Variants in UNC5A observed in about 807,000 individuals in gnomAD.
UNC5A encodes netrin receptor UNC5A.
UNC5A carries 20 observed loss-of-function variants against 87.4 expected under a neutral mutation model. The ratio of observed to expected loss-of-function variants is 0.23; its 90% CI spans 0.16 to 0.33. UNC5A has a LOEUF of 0.33. UNC5A is among the 10% of genes least tolerant of loss of function. The probability of loss-of-function intolerance (pLI) is 1.00; values close to 1 mark genes in which losing one functional copy is unlikely to be tolerated. For missense variants in UNC5A, 844 were observed against 1,133.4 expected, an observed-to-expected ratio of 0.74 and a Z score of 3.67; for synonymous variants, 438 against 482.3, an observed-to-expected ratio of 0.91 and a Z score of 1.20.
chr5:176,853,454 A>G (rs1214913565), intron 1 of UNC5A, among the ~76,000 whole-genome samples: 1 of 151,980 alleles, frequency 6.6e-6, no homozygotes. Flanking sequence ...GCCTGTCTGC[A>G]TGTCCTCCTC....
intron 1 of UNC5A, among the ~76,000 whole-genome samples, chr5:176,812,505 G>A (rs1035563710): frequency 2.0e-5 from 3 of 152,308 alleles, no homozygotes; most frequent in East Asian, 3.9e-4. Flanking sequence ...CCAGCATGCC[G>A]CACGTGTGTG....
intron 9 of UNC5A, 70 bp downstream of exon 9, chr5:176,877,349 C>T: frequency 6.9e-7 from 1 of 1,450,918 alleles, no homozygotes; most frequent in South Asian, 1.2e-5. Context: ...CAGGAAGCCC[C>T]CTGCCCACCC....
intron 1 of UNC5A, among the ~76,000 whole-genome samples, chr5:176,823,774 T>TCGG (rs1756786492): frequency 6.6e-6 from 1 of 151,962 alleles, no homozygotes; most frequent in Admixed American, 6.6e-5. Flanking sequence ...GGATACTGAC[T>TCGG]TGGACTCCTC....
intron 8 of UNC5A, 85 bp from the exon 9 acceptor site, chr5:176,877,107 C>T (rs1758279973): frequency 1.7e-6 from 2 of 1,163,588 alleles, no homozygotes; most frequent in Middle Eastern, 2.0e-4. Context: ...TCAGTCCTCA[C>T]AGGAAGGCTC....
In UNC5A at chr5:176,875,758, G is replaced by C. The variant is rs546683739; in HGVS notation, c.1378+1192G>C. Among the ~76,000 whole-genome samples, 2 of 151,992 alleles carry C rather than the reference G, an allele frequency of 1.3e-5. No homozygotes were observed. The highest frequency in any genetic ancestry group is 1.3e-4 in the Admixed American group (2 of 15,250). Reference sequence around the variant, plus strand: ...CCCTCACACACATCGTCCCGCACACGGCAGCCACCATGGACTCAACATCCC... The same window carrying C: ...CCCTCACACACATCGTCCCGCACACCGCAGCCACCATGGACTCAACATCCC... On this transcript the variant is annotated intron_variant, in intron 8 of 14. Coordinates refer to ENST00000329542, the MANE Select transcript of UNC5A (RefSeq NM_133369.3). The surrounding 1 kb of genome is among the most constrained non-coding windows in gnomAD (Gnocchi z 5.2).
At chr5:176,812,171 G>A (rs1756474430) in intron 1 of UNC5A, among the ~76,000 whole-genome samples, 1 of 152,134 alleles carries the variant, frequency 6.6e-6, no homozygotes, top group Non-Finnish European at 1.5e-5. Flanking sequence ...TGTTGGGTGT[G>A]TGTCCGTGTC....
Position 176,865,471 on chromosome 5 carries a change from G to A in UNC5A, c.292+2626G>A, listed in dbSNP as rs1757952060. 1 of 395,664 alleles carries A rather than the reference G, an allele frequency of 2.5e-6. No homozygotes were observed. Among genetic ancestry groups the A allele is most frequent in the Non-Finnish European group, 5.1e-6 (1 of 195,234 alleles). The allele number at this position is 395,664 out of a possible 1,614,324, so 24.5% of individuals were successfully genotyped here. A position where few individuals can be genotyped will look rare whatever the true frequency, so the allele number is the denominator to read the frequency against. ...GGCCCTGTTCTCTTCCTGCCGGGCA[G>A]AGAAGCAGAGCTTGGGACACGTCCC... On this transcript the variant is annotated intron_variant, in intron 2 of 14. Transcript: ENST00000329542. This position sits in a 1 kb window ranked among gnomAD's most constrained non-coding sequence, Gnocchi z 5.3.
At chr5:176,873,364 T>G (rs1758179177) in intron 6 of UNC5A, among the ~76,000 whole-genome samples, 1 of 152,192 alleles carries the variant, frequency 6.6e-6, no homozygotes, top group Non-Finnish European at 1.5e-5. Flanking sequence ...TTCTTTCAAT[T>G]AAAAACCTAA....
At chr5:176,839,415 T>C (rs1035024042) in intron 1 of UNC5A, among the ~76,000 whole-genome samples, 7 of 152,242 alleles carry the variant, frequency 4.6e-5, no homozygotes, top group Non-Finnish European at 8.8e-5. Context: ...CCAGGGCCCA[T>C]GTGCAGGAGC....
Position 176,880,206 on chromosome 5 carries a change from AG to A in UNC5A, c.*324del. 1 of 274,000 alleles carries A rather than the reference AG, an allele frequency of 3.6e-6. No individual in the cohort carries two copies. Among genetic ancestry groups the A allele is most frequent in the Non-Finnish European group, 7.0e-6 (1 of 142,468 alleles). 17.0% of individuals were successfully genotyped at this position (274,000 alleles called of 1,614,324 possible). On this transcript the variant is annotated 3_prime_UTR_variant, in exon 15 of 15. Coordinates refer to ENST00000329542, the MANE Select transcript of UNC5A (RefSeq NM_133369.3). ...GCTACCTCTCCTCCCGTCCCTCTCCAGGGGCCCCGCATACACACGGCCATGC... is the reference window on the plus strand; with the variant it reads ...GCTACCTCTCCTCCCGTCCCTCTCCAGGGCCCCGCATACACACGGCCATGC...
chr5:176,861,369 A>G (rs2149363346), intron 1 of UNC5A, among the ~76,000 whole-genome samples: 1 of 152,322 alleles, frequency 6.6e-6, no homozygotes, highest in East Asian at 1.9e-4. Context: ...CTGAAGTTGC[A>G]GAGGCCCCTG....
At chr5:176,834,258 C>G (rs898617366) in intron 1 of UNC5A, among the ~76,000 whole-genome samples, 10 of 152,288 alleles carry the variant, frequency 6.6e-5, no homozygotes, top group Non-Finnish European at 1.0e-4. Flanking sequence ...GCCCCCTGCC[C>G]GTCCCTGTCC....
intron 1 of UNC5A, among the ~76,000 whole-genome samples, chr5:176,855,867 C>T (rs1177732793): frequency 2.0e-5 from 3 of 152,204 alleles, no homozygotes; most frequent in Non-Finnish European, 4.4e-5. Context: ...CCAGCCTCCT[C>T]CTCCACCCCA....
At position 176,865,048 on chromosome 5, in the gene UNC5A, C is replaced by T. The variant is rs1469549113; in HGVS notation, c.292+2203C>T. ...AAATGGGGGTGAGGAGACCTCCCCTCCATCCTGCCCCTTGCAGATTGGTCG... is the reference window on the plus strand; with the variant it reads ...AAATGGGGGTGAGGAGACCTCCCCTTCATCCTGCCCCTTGCAGATTGGTCG... On this transcript the variant is annotated intron_variant, in intron 2 of 14. Coordinates refer to ENST00000329542, the MANE Select transcript of UNC5A (RefSeq NM_133369.3). The surrounding 1 kb of genome is among the most constrained non-coding windows in gnomAD (Gnocchi z 5.3). 5.8e-6 allele frequency: 2 copies of T among 343,942 alleles called. No homozygotes were observed. The highest frequency in any genetic ancestry group is 2.2e-5 in the African/African-American group (1 of 45,968). 21.3% of individuals were successfully genotyped at this position (343,942 alleles called of 1,614,324 possible). A position where few individuals can be genotyped will look rare whatever the true frequency, so the allele number is the denominator to read the frequency against.
Position 176,865,789 on chromosome 5 carries a change from C to A in UNC5A, c.293-2341C>A. The A allele has an allele frequency of 2.4e-6, 1 of 410,866 alleles. No homozygotes were observed. The highest frequency in any genetic ancestry group is 1.7e-5 in the South Asian group (1 of 57,286). 25.5% of individuals were successfully genotyped at this position (410,866 alleles called of 1,614,324 possible). On this transcript the variant is annotated intron_variant, in intron 2 of 14. Transcript: ENST00000329542. This position sits in a 1 kb window ranked among gnomAD's most constrained non-coding sequence, Gnocchi z 5.3. The stretch of plus-strand genomic sequence containing the variant: ...CATTCATGTGTGGGGCTGGAGGTGG[C>A]CGGATGGACACCCAGGAGAGCACCT...
Position 176,866,694 on chromosome 5 carries a change from C to G in UNC5A, c.293-1436C>G, listed in dbSNP as rs1757983841. Among the ~76,000 whole-genome samples, 1 of 152,152 alleles carries G rather than the reference C, an allele frequency of 6.6e-6. No individual in the cohort carries two copies. Among genetic ancestry groups the G allele is most frequent in the African/African-American group, 2.4e-5 (1 of 41,428 alleles). ...TCCCCAGATCTCCTTATCAGATGCC[C>G]TAAGTCACATTGAAAGATAGCTGGT... On this transcript the variant is annotated intron_variant, in intron 2 of 14. Transcript: ENST00000329542. This position sits in a 1 kb window ranked among gnomAD's most constrained non-coding sequence, Gnocchi z 5.0.
In UNC5A at chr5:176,875,748, T is replaced by A. The variant is rs147865328; in HGVS notation, c.1378+1182T>A. ...TCAGCCTCTTCCCTCACACACATCG[T>A]CCCGCACACGGCAGCCACCATGGAC... On this transcript the variant is annotated intron_variant, in intron 8 of 14. Coordinates refer to ENST00000329542, the MANE Select transcript of UNC5A (RefSeq NM_133369.3). The surrounding 1 kb of genome is among the most constrained non-coding windows in gnomAD (Gnocchi z 5.2). Among the ~76,000 whole-genome samples, 137 of 151,992 alleles carry A rather than the reference T, an allele frequency of 9.0e-4. No individual in the cohort carries two copies. The highest frequency in any genetic ancestry group is 1.7e-3 in the Non-Finnish European group (118 of 67,964).
intron 1 of UNC5A, among the ~76,000 whole-genome samples, chr5:176,821,903 C>T (rs1381038374): frequency 6.6e-6 from 1 of 152,216 alleles, no homozygotes; most frequent in Non-Finnish European, 1.5e-5. Flanking sequence ...CCCTGCAGGA[C>T]TAATTGACTT....
intron 6 of UNC5A, among the ~76,000 whole-genome samples, chr5:176,873,323 T>G (rs1040218145): frequency 2.0e-5 from 3 of 152,224 alleles, no homozygotes; most frequent in East Asian, 3.8e-4. Flanking sequence ...TGTTGGATTT[T>G]TTTTTTTCCT....
Sources: allele counts gnomAD v4.1 joint callset (sites outside exome capture counted in the v4.1 genomes callset), GRCh38; gene constraint gnomAD v4.1.1; non-coding constraint Gnocchi (gnomAD v3.1); transcripts MANE v1.5; gene names NCBI Gene and HGNC (gene_info 2026-07-23, HGNC 2026-07-21).